TTN: variants seen among roughly 807,000 people sequenced by gnomAD.
The protein encoded by TTN is titin.
In TTN, 1,525 loss-of-function variants were observed where a neutral mutation model predicts 3,223.0. The ratio of observed to expected loss-of-function variants is 0.47; its 90% CI spans 0.45 to 0.49. The LOEUF (loss-of-function observed/expected upper bound fraction) is 0.49, where lower values mean the gene tolerates loss of function less well. TTN is among the 20% of genes least tolerant of loss of function. The probability of loss-of-function intolerance (pLI) is 0.00; values close to 1 mark genes in which losing one functional copy is unlikely to be tolerated. For missense variants in TTN, 40,786 were observed against 43,424.0 expected (o/e 0.94, Z 5.40); for synonymous variants, 14,094 against 15,161.0 (o/e 0.93, Z 5.17).
chr2:178,669,729 A>T, intron 157 of TTN, 54 bp from the exon 158 acceptor site: 1 of 1,577,634 alleles, frequency 6.3e-7, no homozygotes, highest in Non-Finnish European at 8.7e-7. Context: ...TTGGGTGTAA[A>T]CATAGCAAGC....
At position 178,756,186 on chromosome 2, in the gene TTN, T is replaced by A. The variant is rs574332251; in HGVS notation, c.11254+36A>T. Reference sequence around the variant, plus strand: ...GAAAAGCTGCATAAAGCGATGAGGATGAAATGAAGCAAGTCATAGCTAAAA... The same window carrying A: ...GAAAAGCTGCATAAAGCGATGAGGAAGAAATGAAGCAAGTCATAGCTAAAA... On this transcript the variant is annotated intron_variant, in intron 46 of 362. Coordinates refer to ENST00000589042, the MANE Select transcript of TTN (RefSeq NM_001267550.2). 4 of 1,476,260 alleles carry A rather than the reference T, an allele frequency of 2.7e-6. No homozygotes were observed. The South Asian group carries it at 3.7e-5, about 14-fold the overall frequency. The allele number at this position is 1,476,260 out of a possible 1,614,324, so 91.4% of individuals were successfully genotyped here. A position where few individuals can be genotyped will look rare whatever the true frequency, so the allele number is the denominator to read the frequency against.
intron 242 of TTN, 127 bp from the exon 243 acceptor site, chr2:178,622,894 CTT>C (rs1262730704): frequency 1.4e-6 from 1 of 735,604 alleles, no homozygotes; most frequent in African/African-American, 1.8e-5. Context: ...CTACAACTGA[CTT>C]TGAAATCACT....
chr2:178,717,885 T>G, intron 86 of TTN, 58 bp downstream of exon 86: 2 of 1,573,486 alleles, frequency 1.3e-6, no homozygotes, highest in Non-Finnish European at 1.7e-6. Context: ...CATAAAAGTT[T>G]TAACGTTTTT....
In TTN at chr2:178,598,835, A is replaced by T. The variant is rs753144774; in HGVS notation, c.56875T>A (p.Tyr18959Asn). Residue 18959 changes from tyrosine (Y) to asparagine (N), a missense_variant, in exon 291 of 363, where the codon TAT becomes AAT. Tyr to Asn is a moderately radical substitution (Grantham distance 143). Transcript: ENST00000589042. ...KVTGLIEGSD[Y>N]QFRVYAINAA... ...TTGATTGCATATACCCGGAATTGAT[A>T]GTCGGAACCTTCAATAAGACCAGTC... 6.1e-5 allele frequency: 99 copies of T among 1,613,258 alleles called. No individual in the cohort carries two copies. The highest frequency in any genetic ancestry group is 8.1e-5 in the Non-Finnish European group (96 of 1,179,530).
At chr2:178,698,753 CT>C in intron 112 of TTN, 89 bp downstream of exon 112, 1 of 1,264,026 alleles carries the variant, frequency 7.9e-7, no homozygotes, top group South Asian at 1.4e-5. Context: ...ATTGCAAACT[CT>C]TACCCTTCCT....
At position 178,620,921 on chromosome 2, in the gene TTN, T is replaced by C. The variant is rs1209787066; in HGVS notation, c.45689A>G (p.Glu15230Gly). Residue 15230 changes from glutamate (E) to glycine (G), a missense_variant, in exon 247 of 363, where the codon GAA becomes GGA. Transcript: ENST00000589042. ...GGCTTTGGCACCTTCAGTATTGACT[T>C]CACAGTTGAAGACAACTTCCTGTTG... ...KEQQEVVFNCEVNTEGAKAKW... is the reference protein window; with the variant it reads ...KEQQEVVFNCGVNTEGAKAKW... 2 of 1,612,528 alleles carry C rather than the reference T, an allele frequency of 1.2e-6. No individual in the cohort carries two copies. Among genetic ancestry groups the C allele is most frequent in the Admixed American group, 1.7e-5 (1 of 59,854 alleles).
rs753948675 is a variant in TTN at position 178,579,850 on chromosome 2, T to G, written c.67349-2A>C. The G allele has an allele frequency of 1.4e-5, 23 of 1,612,446 alleles. No individual in the cohort carries two copies. The highest frequency in any genetic ancestry group is 1.9e-5 in the Non-Finnish European group (22 of 1,179,330). ...GGTCCACAACTGGTCCAGGAGTTTC[T>G]AAAGCAAAGGAGAAATGATAAGTGT... On this transcript the variant is annotated splice_acceptor_variant, in intron 318 of 362. Transcript: ENST00000589042. LOFTEE classifies it high-confidence loss of function.
rs727504851 is a variant in TTN, at chr2:178,613,158, TA to T, written c.49648+2del. 3.0e-5 allele frequency: 48 copies of T among 1,608,536 alleles called. No individual in the cohort carries two copies. Among genetic ancestry groups the T allele is most frequent in the Non-Finnish European group, 3.4e-5 (40 of 1,178,010 alleles). ...ATAACCACAAAAATTATATAAATAA[TA>T]CCTATGGGATCCTTTATTAAGATTG... On this transcript the variant is annotated splice_donor_variant, in intron 264 of 362. Transcript: ENST00000589042. LOFTEE classifies it high-confidence loss of function.
Position 178,558,624 on chromosome 2 carries a change from T to G in TTN, c.86835A>C (p.Pro28945=). 6.2e-7 allele frequency: 1 copy of G among 1,611,048 alleles called. No homozygotes were observed. The highest frequency in any genetic ancestry group is 8.5e-7 in the Non-Finnish European group (1 of 1,179,344). ...EGVKITEKPS[P]PEKLGVTSIS... Reference sequence around the variant, plus strand: ...TACTTGTTACTCCAAGTTTTTCAGGTGGGCTTGGTTTTTCTAAGAAAACAA... The same window carrying G: ...TACTTGTTACTCCAAGTTTTTCAGGGGGGCTTGGTTTTTCTAAGAAAACAA... The change falls in exon 327 of 363, where the codon CCA becomes CCC. Residue 28945 remains proline, a synonymous_variant. Coordinates refer to ENST00000589042, the MANE Select transcript of TTN (RefSeq NM_001267550.2).
At chr2:178,706,390 G>A in intron 102 of TTN, 64 bp downstream of exon 102, 1 of 1,487,988 alleles carries the variant, frequency 6.7e-7, no homozygotes, top group African/African-American at 1.4e-5. Context: ...CTGGTTGACT[G>A]TGGATGCGGA....
rs369005241 is a variant in TTN at position 178,778,912 on chromosome 2, C to T, written c.4170G>A (p.Pro1390=). ...YVEPAAPLGA[P]TYIPTLEPVS... The stretch of plus-strand genomic sequence containing the variant: ...CTGGCTCTAGTGTGGGAATGTAAGT[C>T]GGAGCTCCAAGTGGTGCAGCAGGCT... Residue 1390 remains proline, a synonymous_variant, in exon 24 of 363, where the codon CCG becomes CCA. Coordinates refer to ENST00000589042, the MANE Select transcript of TTN (RefSeq NM_001267550.2). The T allele has an allele frequency of 1.7e-5, 28 of 1,613,788 alleles. No individual in the cohort carries two copies. The highest frequency in any genetic ancestry group is 1.5e-4 in the Admixed American group (9 of 59,988).
At chr2:178,718,258 T>C (rs764292156) in intron 85 of TTN, 37 bp from the exon 86 acceptor site, 1 of 1,593,796 alleles carries the variant, frequency 6.3e-7, no homozygotes, top group Non-Finnish European at 8.5e-7. Context: ...AAGTCAGTCA[T>C]GCCATGTAAA....
At chr2:178,650,878 T>C in intron 208 of TTN, 44 bp from the exon 209 acceptor site, 2 of 1,539,400 alleles carry the variant, frequency 1.3e-6, no homozygotes, top group South Asian at 1.2e-5. Context: ...AGTTGAGAAG[T>C]ATATTAAATT....
At chr2:178,772,146 A>G (rs953441112) in intron 33 of TTN, among the ~76,000 whole-genome samples, 2 of 152,216 alleles carry the variant, frequency 1.3e-5, no homozygotes, top group African/African-American at 4.8e-5. Flanking sequence ...GTGAAATCAC[A>G]GAGGAGTTCA....
At chr2:178,630,674 C>G (rs956031818) in intron 238 of TTN, 130 bp downstream of exon 238, 7 of 1,365,656 alleles carry the variant, frequency 5.1e-6, no homozygotes, top group South Asian at 1.4e-5. Context: ...TGACATCTCT[C>G]TTTGGCTTAG....
intron 157 of TTN, among the ~76,000 whole-genome samples, chr2:178,669,928 T>C (rs1269549144): frequency 6.6e-6 from 1 of 151,992 alleles, no homozygotes; most frequent in Non-Finnish European, 1.5e-5. Context: ...CTTTTTTTTT[T>C]CCAGAGCTAC....
chr2:178,531,954 G>A lies in TTN; in HGVS notation c.104661C>T (p.Pro34887=). The A allele has an allele frequency of 6.2e-7, 1 of 1,613,486 alleles. No homozygotes were observed. The highest frequency in any genetic ancestry group is 8.5e-7 in the Non-Finnish European group (1 of 1,179,706). The change falls in exon 358 of 363, where the codon CCC becomes CCT. Residue 34887 remains proline, a synonymous_variant. Coordinates refer to ENST00000589042, the MANE Select transcript of TTN (RefSeq NM_001267550.2). ...PTPERTRPRS[P]SPVSSERSLS... is the part of the protein sequence containing the mutation. ...GTGATCTCTCACTAGACACAGGGCT[G>A]GGGGATCGTGGGCGAGTTCTCTCTG...
rs144672608 is a variant in TTN at position 178,737,905 on chromosome 2, T to G, written c.14371+177A>C. The G allele has an allele frequency of 1.9e-3, 1,226 of 642,178 alleles. 16 individuals are homozygous for G. Among genetic ancestry groups the G allele is most frequent in the South Asian group, 0.019 (527 of 27,762 alleles). 39.8% of individuals were successfully genotyped at this position (642,178 alleles called of 1,614,324 possible). On this transcript the variant is annotated intron_variant, in intron 49 of 362. Transcript: ENST00000589042. ...CTTTGGTCAGTAGTAGAAATGTGAC[T>G]GTAAATAATGATTTCTTATCCCATA... is the stretch of plus-strand genomic sequence containing the variant.
chr2:178,581,830 T>G (rs780718449), intron 315 of TTN, 26 bp from the exon 316 acceptor site: 86 of 1,595,636 alleles, frequency 5.4e-5, no homozygotes, highest in Admixed American at 3.6e-4. Context: ...GATAGGAAAT[T>G]TTCATGAAAA....
Sources: gnomAD v4.1 joint callset for allele counts (sites outside exome capture counted in the v4.1 genomes callset) on GRCh38, gnomAD v4.1.1 for gene constraint, MANE v1.5 for transcripts, NCBI Gene and HGNC (gene_info 2026-07-23, HGNC 2026-07-21) for gene names.